Variants in CACNA1H observed in about 807,000 individuals in gnomAD.
CACNA1H encodes calcium voltage-gated channel subunit alpha1 H, also known as voltage-dependent T-type calcium channel subunit alpha-1H.
A neutral mutation model predicts 192.5 loss-of-function variants in CACNA1H; 149 were observed. The observed-to-expected ratio is 0.77, with a 90% CI of 0.68 to 0.89. The LOEUF (loss-of-function observed/expected upper bound fraction) is 0.89, where lower values mean the gene tolerates loss of function less well. Ranked by LOEUF, CACNA1H falls within the 40% of genes least tolerant of loss-of-function variation. CACNA1H has a pLI of 0.00. For synonymous variants in CACNA1H, 2,202 were observed against 1,475.2 expected (o/e 1.49, Z -11.29); for missense variants, 4,257 against 3,423.5 (o/e 1.24, Z -6.08).
intron 2 of CACNA1H, among the ~76,000 whole-genome samples, chr16:1,165,580 C>G (rs1280938047): frequency 6.6e-6 from 1 of 152,168 alleles, no homozygotes; most frequent in Non-Finnish European, 1.5e-5. Flanking sequence ...CATGGGAATT[C>G]AGGCAGCACA....
In CACNA1H at chr16:1,207,752, G is replaced by A; in HGVS notation, c.3064-18G>A. ...TCACGGGGCCCCTCATGCCTGCCTT[G>A]TGCTTTGTTGGGTTTAGGGCGATGC... is the stretch of plus-strand genomic sequence containing the variant. On this transcript the variant is annotated intron_variant, in intron 14 of 34. Coordinates refer to ENST00000348261, the MANE Select transcript of CACNA1H (RefSeq NM_021098.3). 7 of 1,581,378 alleles carry A rather than the reference G, an allele frequency of 4.4e-6. No homozygotes were observed. In the South Asian group the frequency reaches 5.8e-5, roughly 13 times the overall value.
intron 5 of CACNA1H, 47 bp downstream of exon 5, chr16:1,196,070 T>A: frequency 6.9e-7 from 1 of 1,459,158 alleles, no homozygotes; most frequent in Non-Finnish European, 9.6e-7. Context: ...GGCTTGCGTG[T>A]CCGCCAGCCC....
intron 2 of CACNA1H, among the ~76,000 whole-genome samples, chr16:1,170,057 CT>C (rs1183909744): frequency 1.3e-5 from 2 of 152,220 alleles, no homozygotes; most frequent in African/African-American, 2.4e-5. Flanking sequence ...CTGAGCCCCC[CT>C]CCCCCGCTCG....
At chr16:1,199,926 TTGTC>T (rs765959114) in intron 6 of CACNA1H, among the ~76,000 whole-genome samples, 16 of 152,222 alleles carry the variant, frequency 1.1e-4, no homozygotes, top group South Asian at 2.1e-4. Flanking sequence ...CCCTCCCTGT[TTGTC>T]TGTGCTGTTC....
chr16:1,204,990 G>A (rs528242572), intron 10 of CACNA1H, 124 bp from the exon 11 acceptor site: 1 of 270,946 alleles, frequency 3.7e-6, no homozygotes, highest in African/African-American at 4.0e-5. Flanking sequence ...TGGGAGCCGC[G>A]GGTGGGGCCC....
chr16:1,202,388 C>A lies in CACNA1H; in HGVS notation c.1938C>A (p.His646Gln), dbSNP rs771171443. Residue 646 changes from histidine (H) to glutamine (Q), a missense_variant, in exon 9 of 35, where the codon CAC (histidine) becomes CAA (glutamine). His to Gln is a conservative substitution (Grantham distance 24). Transcript: ENST00000348261. ...WAGGPPGTGG[H>Q]GPLSLNSPDP... is the part of the protein sequence containing the mutation. ...GTGGACCGCCAGGCACCGGGGGGCA[C>A]GGCCCGTTGAGCTTGAACAGCCCTG... 9 of 1,547,268 alleles carry A rather than the reference C, an allele frequency of 5.8e-6. No homozygotes were observed. In the Admixed American group the frequency reaches 1.8e-4, roughly 30 times the overall value.
intron 2 of CACNA1H, among the ~76,000 whole-genome samples, chr16:1,155,110 C>A (rs549604605): frequency 6.6e-6 from 1 of 152,250 alleles, no homozygotes; most frequent in Non-Finnish European, 1.5e-5. Flanking sequence ...AAATATTAAA[C>A]ACGAAAGAGG....
Position 1,153,896 on chromosome 16 carries a change from C to T in CACNA1H, c.159C>T (p.Ser53=). The T allele has an allele frequency of 6.9e-7, 1 of 1,450,452 alleles. No homozygotes were observed. The highest frequency in any genetic ancestry group is 1.3e-5 in the South Asian group (1 of 76,282). The allele number at this position is 1,450,452 out of a possible 1,614,324, so 89.8% of individuals were successfully genotyped here. A position where few individuals can be genotyped will look rare whatever the true frequency, so the allele number is the denominator to read the frequency against. ...GSELGVSPSE[S]PAAERGAELG... is the part of the protein sequence containing the mutation. ...AGCTCGGCGTGTCACCCTCCGAGAGCCCGGCGGCCGAGCGCGGCGCGGAGC... is the reference window on the plus strand; with the variant it reads ...AGCTCGGCGTGTCACCCTCCGAGAGTCCGGCGGCCGAGCGCGGCGCGGAGC... The change falls in exon 2 of 35, where the codon AGC becomes AGT. Residue 53 remains serine, a synonymous_variant. Coordinates refer to ENST00000348261, the MANE Select transcript of CACNA1H (RefSeq NM_021098.3).
At chr16:1,195,394 A>C (rs1318633525) in intron 3 of CACNA1H, 38 bp from the exon 4 acceptor site, 26 of 1,549,610 alleles carry the variant, frequency 1.7e-5, no homozygotes, top group Non-Finnish European at 2.0e-5. Flanking sequence ...GGCTGAGCTG[A>C]GCTGTTCCAC....
chr16:1,181,239 G>A (rs78808529), intron 2 of CACNA1H, among the ~76,000 whole-genome samples: 6,611 of 152,362 alleles, frequency 0.043, 194 homozygotes, highest in East Asian at 0.07. Context: ...TGGGGACCAA[G>A]ATGGGCAAGG....
At chr16:1,154,449 G>C (rs1052413570) in intron 2 of CACNA1H, among the ~76,000 whole-genome samples, 23 of 152,298 alleles carry the variant, frequency 1.5e-4, no homozygotes, top group African/African-American at 5.5e-4. Context: ...CCCCTCGCGG[G>C]GGAGGGGGAG....
At chr16:1,154,406 C>T (rs901395894) in intron 2 of CACNA1H, among the ~76,000 whole-genome samples, 1 of 152,108 alleles carries the variant, frequency 6.6e-6, no homozygotes, top group Non-Finnish European at 1.5e-5. Flanking sequence ...CCTTGCCCAC[C>T]CCTCACTGTC....
intron 2 of CACNA1H, among the ~76,000 whole-genome samples, chr16:1,176,610 A>G (rs1414509110): frequency 6.6e-6 from 1 of 152,150 alleles, no homozygotes; most frequent in Non-Finnish European, 1.5e-5. Flanking sequence ...CCCCCAACCA[A>G]GGGGTTCCGG....
rs186422070 is a variant in CACNA1H at position 1,219,006 on chromosome 16, C to G, written c.5924C>G (p.Ser1975Cys). 6.5e-7 allele frequency: 1 copy of G among 1,550,324 alleles called. No homozygotes were observed. The highest frequency in any genetic ancestry group is 8.7e-7 in the Non-Finnish European group (1 of 1,146,908). Reference sequence around the variant, plus strand: ...TCTGTGCACTCTCCGCCCGCAGAGTCCTGTGCCTCCCTCCAGATCCCATTG... The same window carrying G: ...TCTGTGCACTCTCCGCCCGCAGAGTGCTGTGCCTCCCTCCAGATCCCATTG... ...VASVHSPPAE[S>C]CASLQIPLAV... is the part of the protein sequence containing the mutation. Residue 1975 changes from serine to cysteine, a missense_variant, in exon 34 of 35, where the codon TCC becomes TGC. By Grantham distance (112) the Ser-to-Cys change is moderately radical. Coordinates refer to ENST00000348261, the MANE Select transcript of CACNA1H (RefSeq NM_021098.3).
At chr16:1,214,015 G>A (rs1032983520) in intron 27 of CACNA1H, 84 bp downstream of exon 27, 38 of 1,207,750 alleles carry the variant, frequency 3.1e-5, no homozygotes, top group Middle Eastern at 2.0e-4. Context: ...ACCCTGGACC[G>A]GCGCTCCGCT....
intron 2 of CACNA1H, among the ~76,000 whole-genome samples, chr16:1,184,685 G>T (rs973802704): frequency 6.6e-6 from 1 of 152,256 alleles, no homozygotes; most frequent in Non-Finnish European, 1.5e-5. Context: ...CTCAGCGAGA[G>T]TGGAGGCCAC....
At chr16:1,209,572 C>T in intron 17 of CACNA1H, 160 bp downstream of exon 17, 2 of 853,252 alleles carry the variant, frequency 2.3e-6, no homozygotes, top group Non-Finnish European at 1.8e-6. Flanking sequence ...CAGCAGTGTT[C>T]AGGGATTCAG....
intron 2 of CACNA1H, among the ~76,000 whole-genome samples, chr16:1,171,923 G>A (rs576218790): frequency 3.9e-5 from 6 of 152,368 alleles, no homozygotes; most frequent in Admixed American, 2.0e-4. Flanking sequence ...CCACGGGTGG[G>A]GGCATGTTCA....
At position 1,167,798 on chromosome 16, in the gene CACNA1H, C is replaced by T. The variant is rs920890055; in HGVS notation, c.299+13762C>T. The stretch of plus-strand genomic sequence containing the variant: ...GGAAACGGGACACCTGGAGCTGTGG[C>T]GCTGGTGTGTGCTTAGAAAGTGCAC... On this transcript the variant is annotated intron_variant, in intron 2 of 34. Coordinates refer to ENST00000348261, the MANE Select transcript of CACNA1H (RefSeq NM_021098.3). The surrounding 1 kb of genome is among the most constrained non-coding windows in gnomAD (Gnocchi z 4.2). Among the ~76,000 whole-genome samples the T allele has an allele frequency of 1.3e-5, 2 of 152,214 alleles. No homozygotes were observed. The highest frequency in any genetic ancestry group is 2.9e-5 in the Non-Finnish European group (2 of 68,032).
Sources: gnomAD v4.1 joint callset for allele counts (sites outside exome capture counted in the v4.1 genomes callset) on GRCh38, gnomAD v4.1.1 for gene constraint, Gnocchi (gnomAD v3.1) non-coding constraint, MANE v1.5 for transcripts, NCBI Gene and HGNC (gene_info 2026-07-23, HGNC 2026-07-21) for gene names.